ANO2: variants seen among roughly 807,000 people sequenced by gnomAD.
The protein encoded by ANO2 is anoctamin 2, also known as anoctamin-2.
A neutral mutation model predicts 124.2 loss-of-function variants in ANO2; 101 were observed. That is an observed-to-expected ratio of 0.81 (90% confidence interval 0.69 to 0.96). The LOEUF (loss-of-function observed/expected upper bound fraction) is 0.96. ANO2 is among the 40% of genes least tolerant of loss of function. The probability of loss-of-function intolerance (pLI) is 0.00; values close to 1 mark genes in which losing one functional copy is unlikely to be tolerated. For synonymous variants in ANO2, 486 were observed against 482.5 expected (o/e 1.01, Z -0.09); for missense variants, 1,293 against 1,274.5 (o/e 1.01, Z -0.22).
At position 5,565,649 on chromosome 12, in the gene ANO2, C is replaced by T. The variant is rs183862441; in HGVS notation, c.2636G>A (p.Arg879Gln). 52 of 1,598,062 alleles carry T rather than the reference C, an allele frequency of 3.3e-5. No individual in the cohort carries two copies. In the Admixed American group the frequency reaches 3.5e-4, roughly 11 times the overall value. The change falls in exon 24 of 25, where the codon CGA becomes CAA. Residue 879 changes from arginine (R) to glutamine (Q), a missense_variant. By Grantham distance (43) the Arg-to-Gln change is conservative. Coordinates refer to ENST00000682330, the MANE Select transcript of ANO2 (RefSeq NM_001364791.2). ...AGGGTTCGGGGCCCATGGCGGCTCT[C>T]GGTAATCCTTAAACCTGCCCAAAGA... Reference protein sequence around the residue: ...EVQFCRFKDYREPPWAPNPYE... With the variant: ...EVQFCRFKDYQEPPWAPNPYE...
intron 23 of ANO2, among the ~76,000 whole-genome samples, chr12:5,568,136 C>CT (rs71445654): frequency 0.046 from 5,203 of 112,802 alleles, 305 homozygotes; most frequent in African/African-American, 0.071. Flanking sequence ...CCACCCTATG[C>CT]TTTTTTTTTT....
intron 13 of ANO2, among the ~76,000 whole-genome samples, chr12:5,735,922 A>G (rs73048238): frequency 0.069 from 10,542 of 152,148 alleles, 456 homozygotes; most frequent in East Asian, 0.13. Context: ...GGTGGGAGAG[A>G]GATGGGTGGG....
chr12:5,923,292 C>T (rs567701297), intron 1 of ANO2, among the ~76,000 whole-genome samples: 2 of 134,486 alleles, frequency 1.5e-5, no homozygotes, highest in East Asian at 2.4e-4. Flanking sequence ...ACACACACAG[C>T]GTGGAGCCAC....
In ANO2 at chr12:5,612,644, T is replaced by C; in HGVS notation, c.2087+12A>G. 1 of 1,612,062 alleles carries C rather than the reference T, an allele frequency of 6.2e-7. No homozygotes were observed. The highest frequency in any genetic ancestry group is 8.5e-7 in the Non-Finnish European group (1 of 1,178,466). On this transcript the variant is annotated intron_variant, in intron 19 of 24. Coordinates refer to ENST00000682330, the MANE Select transcript of ANO2 (RefSeq NM_001364791.2). ...GCAGCAAGGAGAGAGGTTAGAGGAGTTCATTACATACGGGACTCCAATCTC... is the reference window on the plus strand; with the variant it reads ...GCAGCAAGGAGAGAGGTTAGAGGAGCTCATTACATACGGGACTCCAATCTC...
rs188205111 is a variant in ANO2 at position 5,820,366 on chromosome 12, C to G, written c.892+7403G>C. 1.8e-4 allele frequency among the ~76,000 whole-genome samples: 28 copies of G among 152,254 alleles called. No individual in the cohort carries two copies. The East Asian group carries it at 4.2e-3, about 23-fold the overall frequency. The stretch of plus-strand genomic sequence containing the variant: ...GACGTTGATTCCAGGGGACCCAAAA[C>G]GTCATTGTGATCCTCAAGTTAAAGT... On this transcript the variant is annotated intron_variant, in intron 7 of 24. Coordinates refer to ENST00000682330, the MANE Select transcript of ANO2 (RefSeq NM_001364791.2).
chr12:5,598,699 A>G (rs961244132), intron 20 of ANO2, among the ~76,000 whole-genome samples: 1 of 152,202 alleles, frequency 6.6e-6, no homozygotes, highest in Admixed American at 6.5e-5. Flanking sequence ...CTTTTAATTC[A>G]TTAGCCCCAA....
chr12:5,754,086 A>G (rs1330404744), intron 10 of ANO2, among the ~76,000 whole-genome samples: 1 of 152,108 alleles, frequency 6.6e-6, no homozygotes, highest in Non-Finnish European at 1.5e-5. Flanking sequence ...TGTTCCTTCC[A>G]TTCCTAACTT....
chr12:5,631,576 C>T (rs1945720305), intron 16 of ANO2, among the ~76,000 whole-genome samples: 1 of 152,188 alleles, frequency 6.6e-6, no homozygotes, highest in South Asian at 2.1e-4. Context: ...ACTCCATCAA[C>T]AGCTGATGGA....
At chr12:5,682,779 T>C (rs1948553919) in intron 14 of ANO2, among the ~76,000 whole-genome samples, 1 of 152,170 alleles carries the variant, frequency 6.6e-6, no homozygotes, top group Non-Finnish European at 1.5e-5. Context: ...AAGTGAGAAA[T>C]GAAGGGATAA....
At chr12:5,724,939 A>C (rs992218861) in intron 14 of ANO2, among the ~76,000 whole-genome samples, 9 of 152,104 alleles carry the variant, frequency 5.9e-5, no homozygotes, top group East Asian at 1.9e-4. Context: ...TGAAACCTAC[A>C]TTTGCCATTA....
intron 3 of ANO2, among the ~76,000 whole-genome samples, chr12:5,897,386 C>A (rs1283505278): frequency 3.3e-5 from 5 of 152,064 alleles, no homozygotes; most frequent in Non-Finnish European, 7.4e-5. Context: ...CCCTGGCCAC[C>A]CATACAAGAG....
chr12:5,809,119 A>T (rs1953300657), intron 7 of ANO2, among the ~76,000 whole-genome samples: 1 of 152,094 alleles, frequency 6.6e-6, no homozygotes, highest in Admixed American at 6.5e-5. Context: ...AGAGGAGCAG[A>T]GGGTGGGGAG....
At chr12:5,659,770 C>A (rs1016388289) in intron 14 of ANO2, among the ~76,000 whole-genome samples, 1 of 152,130 alleles carries the variant, frequency 6.6e-6, no homozygotes, top group African/African-American at 2.4e-5. Context: ...TTTCTCAGCT[C>A]GCTGCCTCGT....
At chr12:5,587,322 G>A (rs1029702183) in intron 20 of ANO2, among the ~76,000 whole-genome samples, 1 of 152,160 alleles carries the variant, frequency 6.6e-6, no homozygotes, top group Non-Finnish European at 1.5e-5. Context: ...TGAATGAAAC[G>A]GTGATAAAAC....
chr12:5,605,627 A>T (rs1210451874), intron 19 of ANO2, among the ~76,000 whole-genome samples: 1 of 152,092 alleles, frequency 6.6e-6, no homozygotes, highest in Admixed American at 6.5e-5. Context: ...TTCGATGTGG[A>T]CCGGAGCTAA....
chr12:5,759,612 C>T (rs561094030), intron 10 of ANO2, among the ~76,000 whole-genome samples: 1 of 148,260 alleles, frequency 6.7e-6, no homozygotes, highest in African/African-American at 2.5e-5. Flanking sequence ...TGGGAGGGAT[C>T]TAGGATGCAC....
At chr12:5,716,897 G>T (rs545094475) in intron 14 of ANO2, among the ~76,000 whole-genome samples, 1 of 152,270 alleles carries the variant, frequency 6.6e-6, no homozygotes, top group East Asian at 1.9e-4. Context: ...ATGGCCCAAA[G>T]GTGCTGTGGA....
chr12:5,743,383 C>G (rs11833194), intron 12 of ANO2, among the ~76,000 whole-genome samples: 26,412 of 152,102 alleles, frequency 0.17, 2,410 homozygotes, highest in Middle Eastern at 0.23. Context: ...GACTTGGTCC[C>G]TTTTCTAATA....
In ANO2 at chr12:5,646,101, G is replaced by A. The variant is rs978450210; in HGVS notation, c.1620+1626C>T. Among the ~76,000 whole-genome samples the A allele has an allele frequency of 3.9e-5, 6 of 152,278 alleles. 1 individual carries two copies. The highest frequency in any genetic ancestry group is 4.1e-4 in the South Asian group (2 of 4,822). ...CTTTGGAGTTCTGATTTAATTTGGT[G>A]AGGACATCCTGTTACAATCCCCATT... On this transcript the variant is annotated intron_variant, in intron 15 of 24. Transcript: ENST00000682330.
Sources: gnomAD v4.1 joint callset for allele counts (sites outside exome capture counted in the v4.1 genomes callset) on GRCh38, gnomAD v4.1.1 for gene constraint, MANE v1.5 for transcripts, NCBI Gene and HGNC (gene_info 2026-07-23, HGNC 2026-07-21) for gene names.